Variants in GLIPR1L1 observed in about 807,000 individuals in gnomAD.
GLIPR1L1 encodes GLIPR1-like protein 1.
A neutral mutation model predicts 29.9 loss-of-function variants in GLIPR1L1; 26 were observed. The observed-to-expected ratio is 0.87, with a 90% CI of 0.64 to 1.21. The LOEUF is 1.21. Among genes scored for constraint, GLIPR1L1 ranks in the 50% most tolerant of loss-of-function variants. GLIPR1L1 has a pLI of 0.00. For missense variants in GLIPR1L1, 305 were observed against 290.3 expected (o/e 1.05, Z -0.37); for synonymous variants, 77 against 97.5 (o/e 0.79, Z 1.24).
At chr12:75,362,867 C>T (rs2043699714) in intron 3 of GLIPR1L1, among the ~76,000 whole-genome samples, 1 of 152,160 alleles carries the variant, frequency 6.6e-6, no homozygotes, top group African/African-American at 2.4e-5. Context: ...GGGTTCACAT[C>T]TCATTATTCT....
At chr12:75,337,122 CG>C (rs1393267213) in intron 1 of GLIPR1L1, among the ~76,000 whole-genome samples, 1 of 151,508 alleles carries the variant, frequency 6.6e-6, no homozygotes, top group Non-Finnish European at 1.5e-5. Flanking sequence ...TGGAAGCATA[CG>C]TATAGATTTA....
intron 2 of GLIPR1L1, among the ~76,000 whole-genome samples, chr12:75,347,036 C>T (rs998424126): frequency 4.0e-5 from 6 of 151,402 alleles, no homozygotes; most frequent in African/African-American, 1.5e-4. Context: ...CCATAGAAGT[C>T]TTCTTCCTTT....
At chr12:75,350,954 AAT>A (rs1474837473) in intron 3 of GLIPR1L1, among the ~76,000 whole-genome samples, 1 of 152,196 alleles carries the variant, frequency 6.6e-6, no homozygotes, top group Non-Finnish European at 1.5e-5. Flanking sequence ...ACCATGATAA[AAT>A]ATTACAGGAG....
intron 3 of GLIPR1L1, among the ~76,000 whole-genome samples, chr12:75,354,063 T>A (rs555352187): frequency 6.6e-6 from 1 of 150,478 alleles, no homozygotes; most frequent in East Asian, 2.0e-4. Flanking sequence ...GCTGGATGCA[T>A]TCCCCTTGAA....
intron 1 of GLIPR1L1, among the ~76,000 whole-genome samples, chr12:75,338,300 A>G (rs1173738463): frequency 1.3e-5 from 2 of 152,282 alleles, no homozygotes; most frequent in East Asian, 1.9e-4. Context: ...AAATTAATCA[A>G]CATAATCAGG....
rs575474450 is a variant in GLIPR1L1 at position 75,348,759 on chromosome 12, G to A, written c.521+1037G>A. On this transcript the variant is annotated intron_variant, in intron 3 of 5. Transcript: ENST00000378695. ...ATGTCACCCCTGGCCAAGTGGTAGG[G>A]ACCAATATACCCTGTCACTTGAAAC... Among the ~76,000 whole-genome samples the A allele has an allele frequency of 1.6e-4, 24 of 152,184 alleles. No individual in the cohort carries two copies. The South Asian group carries it at 5.0e-3, about 32-fold the overall frequency.
intron 3 of GLIPR1L1, among the ~76,000 whole-genome samples, chr12:75,349,040 C>T (rs763411224): frequency 1.6e-4 from 25 of 151,804 alleles, no homozygotes; most frequent in Non-Finnish European, 2.6e-4. Context: ...CTAGAGTTCA[C>T]GGAAAAGAGT....
In GLIPR1L1 at chr12:75,354,168, G is replaced by C. The variant is rs535014622; in HGVS notation, c.521+6446G>C. Reference sequence around the variant, plus strand: ...AGCAATCAGGGAAGAGAAAAAAAAGGGGGGGGGGTATTCAAATAGGAAAAG... The same window carrying C: ...AGCAATCAGGGAAGAGAAAAAAAAGCGGGGGGGGTATTCAAATAGGAAAAG... On this transcript the variant is annotated intron_variant, in intron 3 of 5. Transcript: ENST00000378695. Among the ~76,000 whole-genome samples, 132 of 61,292 alleles carry C rather than the reference G, an allele frequency of 2.2e-3. No individual in the cohort carries two copies. In the Middle Eastern group the frequency reaches 0.025, roughly 12 times the overall value. The allele number at this position is 61,292 out of a possible 152,430, so 40.2% of individuals were successfully genotyped here. A position where few individuals can be genotyped will look rare whatever the true frequency, so the allele number is the denominator to read the frequency against.
chr12:75,346,721 G>A (rs1228902272), intron 2 of GLIPR1L1, among the ~76,000 whole-genome samples: 1 of 151,860 alleles, frequency 6.6e-6, no homozygotes, highest in Non-Finnish European at 1.5e-5. Context: ...TTTTTTGCTG[G>A]TAAAATATAT....
intron 3 of GLIPR1L1, among the ~76,000 whole-genome samples, chr12:75,359,312 T>C (rs1284337700): frequency 6.8e-6 from 1 of 146,554 alleles, no homozygotes; most frequent in African/African-American, 2.5e-5. Context: ...TAGCGACATA[T>C]ATGTTGTTCA....
At chr12:75,354,868 A>C (rs1386758340) in intron 3 of GLIPR1L1, among the ~76,000 whole-genome samples, 9 of 152,216 alleles carry the variant, frequency 5.9e-5, no homozygotes, top group Non-Finnish European at 1.3e-4. Flanking sequence ...TGACAAAAAG[A>C]AGCAATGAGG....
At chr12:75,348,400 A>G (rs930013165) in intron 3 of GLIPR1L1, among the ~76,000 whole-genome samples, 1 of 152,240 alleles carries the variant, frequency 6.6e-6, no homozygotes, top group Non-Finnish European at 1.5e-5. Flanking sequence ...AAATGTGTAT[A>G]TATCTCTCTG....
intron 3 of GLIPR1L1, among the ~76,000 whole-genome samples, chr12:75,357,691 T>G (rs2043242754): frequency 6.6e-6 from 1 of 151,934 alleles, no homozygotes; most frequent in African/African-American, 2.4e-5. Flanking sequence ...AATTACAAAT[T>G]AACAGAAAAA....
At chr12:75,337,199 G>A (rs1484497848) in intron 1 of GLIPR1L1, among the ~76,000 whole-genome samples, 1 of 151,502 alleles carries the variant, frequency 6.6e-6, no homozygotes, top group Non-Finnish European at 1.5e-5. Context: ...CAAGAAGGTA[G>A]GAAACAAGTT....
rs35360428 is a variant in GLIPR1L1 at position 75,354,166 on chromosome 12, A to AGGG, written c.521+6452_521+6454dup. Among the ~76,000 whole-genome samples the AGGG allele has an allele frequency of 2.4e-3, 300 of 122,896 alleles. 4 individuals carry two copies. The highest frequency in any genetic ancestry group is 8.6e-3 in the African/African-American group (258 of 29,906). 80.6% of individuals were successfully genotyped at this position (122,896 alleles called of 152,430 possible). A position where few individuals can be genotyped will look rare whatever the true frequency, so the allele number is the denominator to read the frequency against. On this transcript the variant is annotated intron_variant, in intron 3 of 5. Coordinates refer to ENST00000378695, the MANE Select transcript of GLIPR1L1 (RefSeq NM_001304964.2). ...AGAGCAATCAGGGAAGAGAAAAAAA[A>AGGG]GGGGGGGGGGTATTCAAATAGGAAA...
chr12:75,363,799 G>A (rs897075594), intron 4 of GLIPR1L1, among the ~76,000 whole-genome samples: 4 of 152,120 alleles, frequency 2.6e-5, no homozygotes, highest in African/African-American at 9.7e-5. Flanking sequence ...CTGAGAACAT[G>A]TGTCCAAGGT....
At chr12:75,367,782 ATTAT>A (rs768473684) in intron 4 of GLIPR1L1, among the ~76,000 whole-genome samples, 5 of 152,106 alleles carry the variant, frequency 3.3e-5, no homozygotes, top group Non-Finnish European at 5.9e-5. Flanking sequence ...TAATCTTTAT[ATTAT>A]TTATTTCACA....
At chr12:75,337,418 A>C (rs1408404779) in intron 1 of GLIPR1L1, among the ~76,000 whole-genome samples, 3 of 151,918 alleles carry the variant, frequency 2.0e-5, no homozygotes, top group African/African-American at 7.2e-5. Context: ...ATCACTTTTA[A>C]AAAACTCCAC....
At chr12:75,369,407 T>A (rs1374680272) in intron 4 of GLIPR1L1, 1 of 530,070 alleles carries the variant, frequency 1.9e-6, no homozygotes, top group Non-Finnish European at 2.4e-6. Flanking sequence ...AACCATTATA[T>A]CCAAAGCTAG....
Sources: gnomAD v4.1 joint callset for allele counts (sites outside exome capture counted in the v4.1 genomes callset) on GRCh38, gnomAD v4.1.1 for gene constraint, MANE v1.5 for transcripts, NCBI Gene and HGNC (gene_info 2026-07-23, HGNC 2026-07-21) for gene names.